The following KAZN variants were observed in gnomAD, a reference collection of about 807,000 sequenced individuals.
The protein encoded by KAZN is kazrin.
In KAZN, 40 loss-of-function variants were observed where a neutral mutation model predicts 87.4. The observed-to-expected ratio is 0.46, with a 90% CI of 0.36 to 0.60. KAZN has a LOEUF of 0.60. KAZN is among the 20% of genes least tolerant of loss of function. The pLI is 0.00. For synonymous variants in KAZN, 466 were observed against 458.3 expected, an observed-to-expected ratio of 1.02 and a Z score of -0.22; for missense variants, 898 against 1,073.9, an observed-to-expected ratio of 0.84 and a Z score of 2.29.
At chr1:14,093,831 C>T (rs1332321854) in intron 1 of KAZN, among the ~76,000 whole-genome samples, 1 of 152,082 alleles carries the variant, frequency 6.6e-6, no homozygotes. Flanking sequence ...CTCTAGTAAA[C>T]CAGGTAGAAA....
chr1:14,358,891 A>C (rs566775086), intron 2 of KAZN, among the ~76,000 whole-genome samples: 4 of 152,268 alleles, frequency 2.6e-5, no homozygotes, highest in Non-Finnish European at 5.9e-5. Context: ...TGAGAAAAAA[A>C]TGTAGATTCT....
At chr1:15,052,637 C>G (rs1049083620) in intron 4 of KAZN, among the ~76,000 whole-genome samples, 1 of 151,924 alleles carries the variant, frequency 6.6e-6, no homozygotes, top group Admixed American at 6.6e-5. Context: ...TGTGTGGATA[C>G]GTGGGTGTGA....
intron 1 of KAZN, among the ~76,000 whole-genome samples, chr1:14,718,147 C>T (rs1033048751): frequency 1.3e-5 from 2 of 152,228 alleles, no homozygotes; most frequent in African/African-American, 2.4e-5. Context: ...GTCGCATTTT[C>T]GATGTGCTTC....
intron 1 of KAZN, among the ~76,000 whole-genome samples, chr1:14,848,776 C>A (rs192543112): frequency 1.3e-5 from 2 of 152,362 alleles, no homozygotes; most frequent in East Asian, 3.9e-4. Context: ...GGCACTTCAT[C>A]AAGGGCCATG....
At chr1:15,027,226 C>G (rs995021561) in intron 2 of KAZN, among the ~76,000 whole-genome samples, 2 of 151,988 alleles carry the variant, frequency 1.3e-5, no homozygotes, top group African/African-American at 4.8e-5. Context: ...GGACTACAGG[C>G]GCCCGCACCA....
At chr1:14,409,771 T>C (rs1664154202) in intron 2 of KAZN, among the ~76,000 whole-genome samples, 1 of 152,200 alleles carries the variant, frequency 6.6e-6, no homozygotes, top group South Asian at 2.1e-4. Context: ...ACTGAGGGAC[T>C]AGACGCTCCC....
intron 2 of KAZN, among the ~76,000 whole-genome samples, chr1:14,409,982 T>C (rs180885417): frequency 1.3e-5 from 2 of 152,114 alleles, no homozygotes; most frequent in East Asian, 3.9e-4. Flanking sequence ...TAATCAGATA[T>C]GAAAAAACAA....
intron 2 of KAZN, among the ~76,000 whole-genome samples, chr1:14,510,192 A>G (rs1670825952): frequency 6.6e-6 from 1 of 152,186 alleles, no homozygotes; most frequent in South Asian, 2.1e-4. Flanking sequence ...CAGCCTGACC[A>G]ACATGGAGAA....
chr1:14,372,408 C>A (rs1336209513), intron 2 of KAZN, among the ~76,000 whole-genome samples: 1 of 152,138 alleles, frequency 6.6e-6, no homozygotes, highest in East Asian at 1.9e-4. Context: ...ATTTCTCAAC[C>A]TTCGTGCTAG....
chr1:14,105,768 C>G (rs1480738914), intron 1 of KAZN, among the ~76,000 whole-genome samples: 1 of 152,168 alleles, frequency 6.6e-6, no homozygotes, highest in East Asian at 1.9e-4. Context: ...GACCCTTGAG[C>G]TGCGTGGAAG....
At position 14,576,728 on chromosome 1, in the gene KAZN, C is replaced by T. The variant is rs150157830; in HGVS notation, c.250-22255C>T. ...GTCTAGACACCTCTCTAAATAGGAA[C>T]TTTATGTTAATCTGCAGGTGTTGCT... On this transcript the variant is annotated intron_variant, in intron 2 of 16. Coordinates refer to the KAZN transcript ENST00000636203. Among the ~76,000 whole-genome samples the T allele has an allele frequency of 5.4e-3, 819 of 152,162 alleles. 6 individuals are homozygous for T. Among genetic ancestry groups the T allele is most frequent in the African/African-American group, 0.019 (782 of 41,504 alleles).
At chr1:14,276,547 G>A (rs2100699208) in intron 2 of KAZN, among the ~76,000 whole-genome samples, 1 of 152,162 alleles carries the variant, frequency 6.6e-6, no homozygotes, top group South Asian at 2.1e-4. Context: ...CTCTGTTCCA[G>A]GCCTCTCTCC....
chr1:15,112,494 G>A lies in KAZN; in HGVS notation c.2116G>A (p.Ala706Thr), dbSNP rs10803354. Residue 706 changes from alanine (A) to threonine (T), a missense_variant, in exon 14 of 15, where the codon GCA becomes ACA. Physicochemically the swap from Ala to Thr is moderately conservative, Grantham distance 58 (BLOSUM62 0). Transcript: ENST00000376030. The part of the protein sequence containing the change: ...PPGRASSVTR[A>T]GKEENSSGLK... ...TGGCAGGGCCTCCAGCGTCACGCGG[G>A]CAGGAAAGGAGGAGAACAGCAGCGG... The A allele has an allele frequency of 0.42, 679,571 of 1,603,818 alleles. 148,131 individuals carry two copies. Among genetic ancestry groups the A allele is most frequent in the East Asian group, 0.71 (31,807 of 44,582 alleles).
intron 1 of KAZN, among the ~76,000 whole-genome samples, chr1:14,909,981 A>G (rs1360629690): frequency 2.6e-5 from 4 of 152,144 alleles, no homozygotes; most frequent in Non-Finnish European, 5.9e-5. Flanking sequence ...TGCACCTGGG[A>G]GGCGGAGGTT....
intron 1 of KAZN, among the ~76,000 whole-genome samples, chr1:14,714,786 C>CTT (rs1307881138): frequency 3.8e-5 from 5 of 131,194 alleles, no homozygotes; most frequent in South Asian, 2.5e-4. Flanking sequence ...TTTTCTTTTT[C>CTT]TTTTTTTTTT....
chr1:14,925,632 C>A (rs1314690059), intron 1 of KAZN, among the ~76,000 whole-genome samples: 4 of 152,176 alleles, frequency 2.6e-5, no homozygotes, highest in African/African-American at 9.7e-5. Context: ...AGTCTTAGCA[C>A]CATAATACCT....
chr1:14,933,863 T>TA (rs1293287099), intron 1 of KAZN, among the ~76,000 whole-genome samples: 1 of 136,254 alleles, frequency 7.3e-6, no homozygotes, highest in Non-Finnish European at 1.6e-5. Flanking sequence ...TTTTTTTTTT[T>TA]ATGAGACGGA....
chr1:14,695,275 C>T (rs1225944474), intron 1 of KAZN, among the ~76,000 whole-genome samples: 1 of 152,144 alleles, frequency 6.6e-6, no homozygotes, highest in Non-Finnish European at 1.5e-5. Context: ...CTGGGGATAG[C>T]TCCAGCTGGC....
At position 13,957,490 on chromosome 1, in the gene KAZN, T is replaced by C. The variant is rs541853913; in HGVS notation, c.91+63734T>C. 2.6e-5 allele frequency among the ~76,000 whole-genome samples: 4 copies of C among 152,158 alleles called. No homozygotes were observed. In the East Asian group the frequency reaches 7.8e-4, roughly 30 times the overall value. ...CCCTGTGTTTTAGTCCATTTAGTGT[T>C]GCTATAAGGGAATATGTGAGGCTGG... On this transcript the variant is annotated intron_variant, in intron 1 of 16. Transcript: ENST00000636203.
Sources: gnomAD v4.1 joint callset for allele counts (sites outside exome capture counted in the v4.1 genomes callset) on GRCh38, gnomAD v4.1.1 for gene constraint, MANE v1.5 for transcripts, NCBI Gene and HGNC (gene_info 2026-07-23, HGNC 2026-07-21) for gene names.